Variants in SPAG16 observed in about 807,000 individuals in gnomAD.
The protein encoded by SPAG16 is sperm-associated antigen 16 protein.
SPAG16 carries 86 observed loss-of-function variants against 80.4 expected under a neutral mutation model. That is an observed-to-expected ratio of 1.07 (90% CI 0.90 to 1.28). The LOEUF is 1.28. Ranked by LOEUF, SPAG16 falls within the 50% of genes most tolerant of loss-of-function variation. The pLI, the probability that SPAG16 is intolerant of heterozygous loss-of-function variation, is 0.00. For missense variants in SPAG16, 870 were observed against 765.3 expected (o/e 1.14, Z -1.61); for synonymous variants, 294 against 265.9 (o/e 1.11, Z -1.03).
At chr2:214,209,911 T>G (rs2058245641) in intron 15 of SPAG16, among the ~76,000 whole-genome samples, 1 of 152,190 alleles carries the variant, frequency 6.6e-6, no homozygotes. Context: ...TAAGGCCATC[T>G]ACAGTGTTTG....
chr2:213,940,667 A>G (rs1001605514), intron 12 of SPAG16, among the ~76,000 whole-genome samples: 4 of 151,462 alleles, frequency 2.6e-5, no homozygotes, highest in African/African-American at 9.7e-5. Context: ...ACTACTTTAC[A>G]TACATAAATT....
At chr2:213,809,347 T>C (rs2071974463) in intron 10 of SPAG16, among the ~76,000 whole-genome samples, 1 of 152,138 alleles carries the variant, frequency 6.6e-6, no homozygotes, top group African/African-American at 2.4e-5. Context: ...AAAGGTGGAC[T>C]TGGGTATGTA....
intron 13 of SPAG16, among the ~76,000 whole-genome samples, chr2:214,036,525 T>G (rs902534583): frequency 2.0e-5 from 3 of 152,246 alleles, no homozygotes; most frequent in Non-Finnish European, 4.4e-5. Context: ...CTCACCTGTC[T>G]CTATTTAGCT....
intron 15 of SPAG16, among the ~76,000 whole-genome samples, chr2:214,335,163 TC>T (rs1697195357): frequency 1.3e-5 from 2 of 152,084 alleles, no homozygotes; most frequent in African/African-American, 4.8e-5. Context: ...TGTGACCAGG[TC>T]CTGTACCCTC....
At chr2:214,232,332 C>T (rs1576553960) in intron 15 of SPAG16, among the ~76,000 whole-genome samples, 1 of 151,880 alleles carries the variant, frequency 6.6e-6, no homozygotes, top group African/African-American at 2.4e-5. Context: ...ATTTCAGTAT[C>T]TCATCCAAAC....
chr2:214,165,103 A>G (rs372832655), intron 15 of SPAG16, among the ~76,000 whole-genome samples: 2 of 152,082 alleles, frequency 1.3e-5, no homozygotes, highest in East Asian at 1.9e-4. Flanking sequence ...GAAGTGTTTA[A>G]TTTTTAGTAT....
chr2:214,344,507 T>C (rs1033065418), intron 15 of SPAG16, among the ~76,000 whole-genome samples: 9 of 152,210 alleles, frequency 5.9e-5, no homozygotes, highest in Admixed American at 6.5e-5. Context: ...TGTGTTCTTC[T>C]TCATTAGCCA....
intron 10 of SPAG16, among the ~76,000 whole-genome samples, chr2:213,754,929 G>A (rs1365218890): frequency 2.0e-5 from 3 of 152,196 alleles, no homozygotes; most frequent in African/African-American, 7.2e-5. Flanking sequence ...CTTTCTGCTG[G>A]AGGTTGCAAT....
chr2:213,621,959 G>C (rs1002098878), intron 10 of SPAG16, among the ~76,000 whole-genome samples: 4 of 152,120 alleles, frequency 2.6e-5, no homozygotes, highest in Non-Finnish European at 5.9e-5. Flanking sequence ...ATAAGTCTTA[G>C]AACCATTGGA....
chr2:213,899,978 C>A (rs555291792), intron 11 of SPAG16, among the ~76,000 whole-genome samples: 26 of 152,260 alleles, frequency 1.7e-4, no homozygotes, highest in African/African-American at 6.3e-4. Flanking sequence ...AGTACCAAAG[C>A]AGAGATTGCG....
intron 15 of SPAG16, among the ~76,000 whole-genome samples, chr2:214,263,444 T>G (rs576710094): frequency 6.6e-6 from 1 of 152,312 alleles, no homozygotes; most frequent in Non-Finnish European, 1.5e-5. Flanking sequence ...GATAGAAGCA[T>G]ATATCTTTAT....
chr2:214,259,138 T>C (rs1690934193), intron 15 of SPAG16, among the ~76,000 whole-genome samples: 1 of 151,862 alleles, frequency 6.6e-6, no homozygotes, highest in Admixed American at 6.6e-5. Flanking sequence ...TTGTAGATAC[T>C]TTTAATTTTG....
At chr2:214,069,691 C>T (rs1051862867) in intron 13 of SPAG16, among the ~76,000 whole-genome samples, 1 of 151,992 alleles carries the variant, frequency 6.6e-6, no homozygotes, top group African/African-American at 2.4e-5. Context: ...AAGCTTGTTC[C>T]CTTCTGTCAC....
intron 10 of SPAG16, among the ~76,000 whole-genome samples, chr2:213,540,555 T>A (rs2076410894): frequency 1.3e-5 from 2 of 152,200 alleles, no homozygotes; most frequent in Admixed American, 1.3e-4. Flanking sequence ...TCATCTTTAA[T>A]TAACAAAAGT....
At chr2:214,148,078 T>C (rs898750378) in intron 14 of SPAG16, among the ~76,000 whole-genome samples, 3 of 152,090 alleles carry the variant, frequency 2.0e-5, no homozygotes, top group African/African-American at 7.2e-5. Flanking sequence ...AAACTGTACA[T>C]CAAATGGGAA....
At chr2:213,756,714 G>A (rs902663387) in intron 10 of SPAG16, among the ~76,000 whole-genome samples, 12 of 152,016 alleles carry the variant, frequency 7.9e-5, no homozygotes, top group African/African-American at 1.5e-4. Context: ...AAAATTTAAC[G>A]GCCTAGGATA....
At chr2:214,079,548 A>G (rs1280084971) in intron 13 of SPAG16, among the ~76,000 whole-genome samples, 1 of 152,226 alleles carries the variant, frequency 6.6e-6, no homozygotes, top group Admixed American at 6.5e-5. Context: ...AAACTTAATC[A>G]TCATGTTAAA....
At chr2:213,618,031 G>C (rs547832202) in intron 10 of SPAG16, among the ~76,000 whole-genome samples, 4 of 152,100 alleles carry the variant, frequency 2.6e-5, no homozygotes, top group African/African-American at 4.8e-5. Context: ...TTATTGAATT[G>C]TTTAATTCAA....
chr2:213,558,531 AAAG>A (rs2059502357), intron 10 of SPAG16, among the ~76,000 whole-genome samples: 1 of 152,032 alleles, frequency 6.6e-6, no homozygotes, highest in Non-Finnish European at 1.5e-5. Flanking sequence ...AGTAAAAGAT[AAAG>A]TCTTTATGTA....
Sources: gnomAD v4.1 joint callset for allele counts (sites outside exome capture counted in the v4.1 genomes callset) on GRCh38, gnomAD v4.1.1 for gene constraint, MANE v1.5 for transcripts, NCBI Gene and HGNC (gene_info 2026-07-23, HGNC 2026-07-21) for gene names.